The following FBLN1 variants were observed in gnomAD, a reference collection of about 807,000 sequenced individuals.
The protein encoded by FBLN1 is fibulin 1.
In FBLN1, 34 loss-of-function variants were observed where a neutral mutation model predicts 89.7. The ratio of observed to expected loss-of-function variants is 0.38; its 90% CI spans 0.29 to 0.50. FBLN1 has a LOEUF of 0.50. Among genes scored for constraint, FBLN1 ranks in the 20% least tolerant of loss-of-function variants. The pLI is 0.92. For missense variants in FBLN1, 777 were observed against 988.1 expected, an observed-to-expected ratio of 0.79 and a Z score of 2.86; for synonymous variants, 393 against 391.3, an observed-to-expected ratio of 1.00 and a Z score of -0.05.
At chr22:45,507,845 T>A (rs1340386976) in intron 1 of FBLN1, among the ~76,000 whole-genome samples, 1 of 152,148 alleles carries the variant, frequency 6.6e-6, no homozygotes, top group Non-Finnish European at 1.5e-5. Flanking sequence ...TCATTTTGGA[T>A]CCTGTTACCC....
chr22:45,593,976 G>T (rs1008526434), intron 16 of FBLN1, among the ~76,000 whole-genome samples: 1 of 152,232 alleles, frequency 6.6e-6, no homozygotes, highest in Non-Finnish European at 1.5e-5. Context: ...AGCAGGTGCA[G>T]TGTTGCAGTG....
chr22:45,526,117 C>A (rs2088324694), intron 3 of FBLN1, among the ~76,000 whole-genome samples: 1 of 152,190 alleles, frequency 6.6e-6, no homozygotes, highest in South Asian at 2.1e-4. Context: ...CTCACTAAGA[C>A]CTCTGATAAG....
At position 45,531,173 on chromosome 22, in the gene FBLN1, T is replaced by C; in HGVS notation, c.485-92T>C. The C allele has an allele frequency of 1.1e-5, 12 of 1,106,044 alleles. No individual in the cohort carries two copies. Among genetic ancestry groups the C allele is most frequent in the Non-Finnish European group, 1.4e-5 (10 of 717,498 alleles). 68.5% of individuals were successfully genotyped at this position (1,106,044 alleles called of 1,614,324 possible). Reference sequence around the variant, plus strand: ...AGATGTTCAAATGGGCATTACTGCCTGATAGTGACAAGAAGAGAGAATGTT... The same window carrying C: ...AGATGTTCAAATGGGCATTACTGCCCGATAGTGACAAGAAGAGAGAATGTT... On this transcript the variant is annotated intron_variant, in intron 4 of 16. Transcript: ENST00000327858. This position sits in a 1 kb window ranked among gnomAD's most constrained non-coding sequence, Gnocchi z 4.9.
intron 2 of FBLN1, chr22:45,523,261 A>T: frequency 2.8e-6 from 2 of 708,084 alleles, no homozygotes; most frequent in Non-Finnish European, 5.3e-6. Context: ...GGCCAGTCCC[A>T]GGGAGGAAGC....
At position 45,531,300 on chromosome 22, in the gene FBLN1, C is replaced by G. The variant is rs1479455007; in HGVS notation, c.520C>G (p.Pro174Ala). The change falls in exon 5 of 17, where the codon CCA becomes GCA. Residue 174 changes from proline to alanine, a missense_variant. Transcript: ENST00000327858. The surrounding 1 kb of genome is among the most constrained non-coding windows in gnomAD (Gnocchi z 4.9). The part of the protein sequence containing the change: ...IIEVEEEQED[P>A]YLNDRCRGGG... ...TGAGGTTGAGGAGGAACAAGAGGAC[C>G]CATATCTGAATGACCGCTGCCGAGG... The G allele has an allele frequency of 6.2e-7, 1 of 1,613,968 alleles. No individual in the cohort carries two copies. The highest frequency in any genetic ancestry group is 1.7e-5 in the Admixed American group (1 of 60,010).
At chr22:45,582,508 G>A (rs3788657) in intron 16 of FBLN1, among the ~76,000 whole-genome samples, 53,330 of 152,056 alleles carry the variant, frequency 0.35, 11,163 homozygotes, top group Admixed American at 0.51. Flanking sequence ...TCACACAGGC[G>A]ACCCATCATG....
rs2088681477 is a variant in FBLN1, at chr22:45,550,022, CAG to C, written c.1574-465_1574-464del. ...TAAGGGTGCTGAGCCTCGGGAGCCA[CAG>C]AGAGGCTCTGGTTAGTTAGTGTATG... On this transcript the variant is annotated intron_variant, in intron 13 of 16. Coordinates refer to ENST00000327858, the MANE Select transcript of FBLN1 (RefSeq NM_006486.3). This position sits in a 1 kb window ranked among gnomAD's most constrained non-coding sequence, Gnocchi z 8.4. Among the ~76,000 whole-genome samples the C allele has an allele frequency of 6.6e-6, 1 of 152,196 alleles. No homozygotes were observed. The highest frequency in any genetic ancestry group is 2.4e-5 in the African/African-American group (1 of 41,450).
At chr22:45,544,230 G>A (rs948487596) in intron 11 of FBLN1, among the ~76,000 whole-genome samples, 7 of 152,170 alleles carry the variant, frequency 4.6e-5, no homozygotes, top group South Asian at 2.1e-4. Context: ...GGGATTACAG[G>A]TGCACACCAC....
chr22:45,555,391 G>A (rs2147002205), intron 14 of FBLN1, among the ~76,000 whole-genome samples: 1 of 151,878 alleles, frequency 6.6e-6, no homozygotes, highest in Middle Eastern at 3.4e-3. Flanking sequence ...CCAGGCTGAG[G>A]AACAAGGAGA....
rs2088352466 is a variant in FBLN1, at chr22:45,527,948, G to A, written c.423G>A (p.Gln141=). 1.2e-6 allele frequency: 2 copies of A among 1,614,096 alleles called. No individual in the cohort carries two copies. The highest frequency in any genetic ancestry group is 2.7e-5 in the African/African-American group (2 of 74,950). The change falls in exon 4 of 17, where the codon CAG becomes CAA. Residue 141 remains glutamine, a synonymous_variant. Coordinates refer to ENST00000327858, the MANE Select transcript of FBLN1 (RefSeq NM_006486.3). ...GCTACCAGTGTGGACAGGTCTTCCAGGCATGCTGTGTCAAGAGCCAGGAGA... is the reference window on the plus strand; with the variant it reads ...GCTACCAGTGTGGACAGGTCTTCCAAGCATGCTGTGTCAAGAGCCAGGAGA... The part of the protein sequence containing the change: ...MVGYQCGQVF[Q]ACCVKSQETG...
At chr22:45,593,386 A>T (rs747553053) in intron 16 of FBLN1, among the ~76,000 whole-genome samples, 3 of 152,164 alleles carry the variant, frequency 2.0e-5, no homozygotes, top group Non-Finnish European at 4.4e-5. Context: ...CCAAGACATG[A>T]AAGTGAAGCG....
rs1232871871 is a variant in FBLN1, at chr22:45,590,925, G to C, written c.1973-9382G>C. ...CTGGAGAAATTGGAGTGGACTCCGA[G>C]TTTGGGTCGGGGGCCCAGGAGGACC... is the stretch of plus-strand genomic sequence containing the variant. On this transcript the variant is annotated intron_variant, in intron 16 of 16. Transcript: ENST00000327858. The surrounding 1 kb of genome is among the most constrained non-coding windows in gnomAD (Gnocchi z 4.1). Among the ~76,000 whole-genome samples, 3 of 152,022 alleles carry C rather than the reference G, an allele frequency of 2.0e-5. No individual in the cohort carries two copies. The highest frequency in any genetic ancestry group is 4.4e-5 in the Non-Finnish European group (3 of 67,998).
In FBLN1 at chr22:45,533,096, C is replaced by T. The variant is rs145674451; in HGVS notation, c.578C>T (p.Thr193Met). The T allele has an allele frequency of 4.2e-5, 67 of 1,614,068 alleles. No individual in the cohort carries two copies. Among genetic ancestry groups the T allele is most frequent in the Middle Eastern group, 1.6e-4 (1 of 6,084 alleles). ...CCCTGCAAGCAGCAGTGCCGAGACA[C>T]GGGTGACGAGGTGGTCTGCTCCTGC... Reference protein sequence around the residue: ...GGPCKQQCRDTGDEVVCSCFV... With the variant: ...GGPCKQQCRDMGDEVVCSCFV... The change falls in exon 6 of 17, where the codon ACG becomes ATG. Residue 193 changes from threonine (T) to methionine (M), a missense_variant. Physicochemically the swap from Thr to Met is moderately conservative, Grantham distance 81. Coordinates refer to ENST00000327858, the MANE Select transcript of FBLN1 (RefSeq NM_006486.3).
chr22:45,575,120 C>G lies in FBLN1; in HGVS notation c.1840+467C>G, dbSNP rs1012789997. Reference sequence around the variant, plus strand: ...AACTTTCTTTGTGTCTGTGTCCCCCCCACACCCACCTGGCACAGCAGCATT... The same window carrying G: ...AACTTTCTTTGTGTCTGTGTCCCCCGCACACCCACCTGGCACAGCAGCATT... On this transcript the variant is annotated intron_variant, in intron 15 of 16. Transcript: ENST00000327858. The surrounding 1 kb of genome is among the most constrained non-coding windows in gnomAD (Gnocchi z 6.3). Among the ~76,000 whole-genome samples, 1 of 152,160 alleles carries G rather than the reference C, an allele frequency of 6.6e-6. No individual in the cohort carries two copies. The highest frequency in any genetic ancestry group is 2.4e-5 in the African/African-American group (1 of 41,442).
rs2146962535 is a variant in FBLN1 at position 45,527,921 on chromosome 22, T to C, written c.396T>C (p.Val132=). The change falls in exon 4 of 17, where the codon GTT becomes GTC. Residue 132 remains valine, a synonymous_variant. Transcript: ENST00000327858. ...AGAGCTGCGAGTACAGCCTCATGGT[T>C]GGCTACCAGTGTGGACAGGTCTTCC... ...QGQSCEYSLM[V]GYQCGQVFQA... 1 of 1,614,166 alleles carries C rather than the reference T, an allele frequency of 6.2e-7. No individual in the cohort carries two copies. Among genetic ancestry groups the C allele is most frequent in the Non-Finnish European group, 8.5e-7 (1 of 1,180,026 alleles).
intron 1 of FBLN1, among the ~76,000 whole-genome samples, chr22:45,516,756 G>A (rs1010930684): frequency 2.6e-5 from 4 of 152,214 alleles, no homozygotes; most frequent in African/African-American, 9.6e-5. Context: ...TGCCAGCCTC[G>A]GGGAGCCGGG....
chr22:45,518,952 G>T (rs1195511245), intron 2 of FBLN1, among the ~76,000 whole-genome samples, 165 bp downstream of exon 2: 1 of 152,114 alleles, frequency 6.6e-6, no homozygotes, highest in Non-Finnish European at 1.5e-5. Flanking sequence ...CCTCCCTCCT[G>T]GCACCGGCCT....
At position 45,533,867 on chromosome 22, in the gene FBLN1, C is replaced by T; in HGVS notation, c.753C>T (p.Gly251=). 6.2e-7 allele frequency: 1 copy of T among 1,614,144 alleles called. No individual in the cohort carries two copies. The highest frequency in any genetic ancestry group is 1.3e-5 in the African/African-American group (1 of 75,068). The change falls in exon 7 of 17, where the codon GGC becomes GGT. Residue 251 remains glycine (G), a synonymous_variant. Transcript: ENST00000327858. ...AGCGGGACAGCAGCTGCGGGACTGG[C>T]TATGAGCTCACAGAGGACAATAGCT... ...RCQRDSSCGT[G]YELTEDNSCK...
chr22:45,535,425 C>T (rs1366696752), intron 8 of FBLN1, 88 bp downstream of exon 8: 22 of 1,525,012 alleles, frequency 1.4e-5, no homozygotes, highest in Middle Eastern at 1.9e-4. Context: ...TCTGCGGGGC[C>T]GCATGGTATA....
Sources: gnomAD v4.1 joint callset for allele counts (sites outside exome capture counted in the v4.1 genomes callset) on GRCh38, gnomAD v4.1.1 for gene constraint, Gnocchi (gnomAD v3.1) non-coding constraint, MANE v1.5 for transcripts, NCBI Gene and HGNC (gene_info 2026-07-23, HGNC 2026-07-21) for gene names.